SH3TC1: variants seen among roughly 807,000 people sequenced by gnomAD.
The protein encoded by SH3TC1 is SH3 domain and tetratricopeptide repeats 1, also known as SH3 domain and tetratricopeptide repeat-containing protein 1.
In SH3TC1, 135 loss-of-function variants were observed where a neutral mutation model predicts 117.3. The ratio of observed to expected loss-of-function variants is 1.15; its 90% confidence interval spans 1.00 to 1.33. SH3TC1 has a LOEUF of 1.33. Ranked by LOEUF, SH3TC1 falls within the 40% of genes most tolerant of loss-of-function variation. The pLI, the probability that SH3TC1 is intolerant of heterozygous loss-of-function variation, is 0.00. For synonymous variants in SH3TC1, 898 were observed against 816.9 expected (o/e 1.10, Z -1.69); for missense variants, 2,092 against 1,794.3 (o/e 1.17, Z -3.00).
intron 13 of SH3TC1, 196 bp downstream of exon 13, chr4:8,232,352 A>T: frequency 6.4e-7 from 1 of 1,571,914 alleles, no homozygotes; most frequent in Non-Finnish European, 8.6e-7. Context: ...TCCCAGCTTG[A>T]GCTTCCCTTG....
intron 13 of SH3TC1, chr4:8,233,041 A>C: frequency 8.2e-7 from 1 of 1,226,654 alleles, no homozygotes; most frequent in East Asian, 4.8e-5. Flanking sequence ...CGGCCTGGAT[A>C]GCATCTGAAC....
intron 4 of SH3TC1, among the ~76,000 whole-genome samples, chr4:8,213,612 C>T (rs549551028): frequency 1.3e-5 from 2 of 152,238 alleles, no homozygotes; most frequent in African/African-American, 4.8e-5. Flanking sequence ...GAAATGGGGC[C>T]TTCAGCGGGA....
Position 8,225,028 on chromosome 4 carries a change from G to A in SH3TC1, c.1244-147G>A, listed in dbSNP as rs978103194. 12 of 965,268 alleles carry A rather than the reference G, an allele frequency of 1.2e-5. No homozygotes were observed. The highest frequency in any genetic ancestry group is 8.7e-5 in the Admixed American group (4 of 46,064). 59.8% of individuals were successfully genotyped at this position (965,268 alleles called of 1,614,324 possible). On this transcript the variant is annotated intron_variant, in intron 10 of 17. Coordinates refer to ENST00000245105, the MANE Select transcript of SH3TC1 (RefSeq NM_018986.5). This position sits in a 1 kb window ranked among gnomAD's most constrained non-coding sequence, Gnocchi z 5.5. ...CCTGCACCCTGCAACACTCCAGCCCGCAACACCAGCACCCTGCAACATCTC... is the reference window on the plus strand; with the variant it reads ...CCTGCACCCTGCAACACTCCAGCCCACAACACCAGCACCCTGCAACATCTC...
At position 8,212,750 on chromosome 4, in the gene SH3TC1, C is replaced by T; in HGVS notation, c.297C>T (p.Asp99=). The part of the protein sequence containing the change: ...LAVRRKSRLR[D]PGLQQTLRGQ... ...TGCGGAGGAAGAGCAGACTGCGGGA[C>T]CCCGGCCTACAGCAGACCCTCCGGG... is the stretch of plus-strand genomic sequence containing the variant. Residue 99 remains aspartate (D), a synonymous_variant, in exon 4 of 18, where the codon GAC becomes GAT. Coordinates refer to ENST00000245105, the MANE Select transcript of SH3TC1 (RefSeq NM_018986.5). 1 of 1,612,796 alleles carries T rather than the reference C, an allele frequency of 6.2e-7. No individual in the cohort carries two copies. Among genetic ancestry groups the T allele is most frequent in the Non-Finnish European group, 8.5e-7 (1 of 1,179,892 alleles).
Position 8,185,332 on chromosome 4 carries a change from G to A in SH3TC1, c.-57+3122G>A, listed in dbSNP as rs371123735. Among the ~76,000 whole-genome samples the A allele has an allele frequency of 1.3e-4, 19 of 151,848 alleles. No homozygotes were observed. The South Asian group carries it at 3.5e-3, about 28-fold the overall frequency. Reference sequence around the variant, plus strand: ...GCCTGGGCAACAAGAGCGAAACTCCGTCTCAAAAAAAACAAAAAAAGCGCA... The same window carrying A: ...GCCTGGGCAACAAGAGCGAAACTCCATCTCAAAAAAAACAAAAAAAGCGCA... On this transcript the variant is annotated intron_variant, in intron 1 of 16. Transcript: ENST00000508641.
chr4:8,233,983 CA>C (rs1721519581), intron 14 of SH3TC1, among the ~76,000 whole-genome samples: 1 of 74,648 alleles, frequency 1.3e-5, no homozygotes, highest in Non-Finnish European at 3.9e-5. Context: ...TCCATCCATC[CA>C]TCCATCATCC....
At position 8,205,446 on chromosome 4, in the gene SH3TC1, A is replaced by T. The variant is rs1189812024; in HGVS notation, c.172+80A>T. ...CACCCGCCCCGTCCATCCATCCCTC[A>T]CCACCCTGCCTGCCTCCAGGCCTCT... On this transcript the variant is annotated intron_variant, in intron 2 of 17. Coordinates refer to ENST00000245105, the MANE Select transcript of SH3TC1 (RefSeq NM_018986.5). This position sits in a 1 kb window ranked among gnomAD's most constrained non-coding sequence, Gnocchi z 5.4. 5 of 1,368,480 alleles carry T rather than the reference A, an allele frequency of 3.7e-6. No homozygotes were observed. In the African/African-American group the frequency reaches 9.9e-5, roughly 27 times the overall value. The allele number at this position is 1,368,480 out of a possible 1,614,324, so 84.8% of individuals were successfully genotyped here. A position where few individuals can be genotyped will look rare whatever the true frequency, so the allele number is the denominator to read the frequency against.
At chr4:8,198,024 A>G (rs73077982), upstream of SH3TC1, among the ~76,000 whole-genome samples, 17,887 of 152,118 alleles carry the variant, frequency 0.12, 1,233 homozygotes, top group African/African-American at 0.13. Flanking sequence ...TTTGGCTGCT[A>G]TGATTAGAGG....
chr4:8,227,937 T>C lies in SH3TC1; in HGVS notation c.2243T>C (p.Val748Ala). Residue 748 changes from valine (V) to alanine (A), a missense_variant, in exon 12 of 18, where the codon GTG becomes GCG. Transcript: ENST00000245105. ...TCGCTGGCCGGCTCGCTGAGGAGTG[T>C]GAACCTGGTGCTCCAGAACGCCCCC... ...RGSLAGSLRS[V>A]NLVLQNAPQP... The C allele has an allele frequency of 6.2e-7, 1 of 1,612,548 alleles. No individual in the cohort carries two copies. Among genetic ancestry groups the C allele is most frequent in the Non-Finnish European group, 8.5e-7 (1 of 1,179,936 alleles).
rs1391348730 is a variant in SH3TC1 at position 8,216,248 on chromosome 4, A to T, written c.619A>T (p.Ile207Phe). ...AAGGCTGACCCACGAGAGCCTCCTC[A>T]TCCAAGAAGGTGAGCGTTGCATGGG... ...ALRLTHESLL[I>F]QEGPFFVLCP... The change falls in exon 6 of 18, where the codon ATC becomes TTC. Residue 207 changes from isoleucine (I) to phenylalanine (F), a missense_variant. Transcript: ENST00000245105. 1.2e-6 allele frequency: 2 copies of T among 1,613,416 alleles called. No homozygotes were observed. The highest frequency in any genetic ancestry group is 2.2e-5 in the East Asian group (1 of 44,878).
At chr4:8,196,994 G>A (rs535732795), upstream of SH3TC1, among the ~76,000 whole-genome samples, 8 of 152,290 alleles carry the variant, frequency 5.3e-5, no homozygotes, top group South Asian at 1.7e-3. This position sits in a 1 kb window ranked among gnomAD's most constrained non-coding sequence, Gnocchi z 4.6. Flanking sequence ...GGACCACCCT[G>A]AACCTGTGAA....
rs1718526815 is a variant in SH3TC1 at position 8,210,068 on chromosome 4, G to A, written c.247+246G>A. 6.6e-6 allele frequency among the ~76,000 whole-genome samples: 1 copy of A among 152,202 alleles called. No homozygotes were observed. Among genetic ancestry groups the A allele is most frequent in the African/African-American group, 2.4e-5 (1 of 41,460 alleles). On this transcript the variant is annotated intron_variant, in intron 3 of 17. Transcript: ENST00000245105. The surrounding 1 kb of genome is among the most constrained non-coding windows in gnomAD (Gnocchi z 4.1). ...GTGCACCTGCACAAACGGCAGACAC[G>A]GTCCTGGGGGCTCCGTGGGTGACAC...
intron 9 of SH3TC1, among the ~76,000 whole-genome samples, chr4:8,221,289 A>G (rs773219033): frequency 2.0e-5 from 3 of 152,122 alleles, no homozygotes; most frequent in Non-Finnish European, 4.4e-5. Flanking sequence ...CCTTCCTTTA[A>G]CCCAGAAGGA....
In SH3TC1 at chr4:8,225,254, G is replaced by T. The variant is rs1720353333; in HGVS notation, c.1285+38G>T. Reference sequence around the variant, plus strand: ...AGTGGCTCAGGCTTCCTCTGGTTATGAGCTGGGCCTTGGGGTAACGCTGGG... The same window carrying T: ...AGTGGCTCAGGCTTCCTCTGGTTATTAGCTGGGCCTTGGGGTAACGCTGGG... On this transcript the variant is annotated intron_variant, in intron 11 of 17. Coordinates refer to ENST00000245105, the MANE Select transcript of SH3TC1 (RefSeq NM_018986.5). This position sits in a 1 kb window ranked among gnomAD's most constrained non-coding sequence, Gnocchi z 5.5. 6.2e-7 allele frequency: 1 copy of T among 1,603,996 alleles called. No individual in the cohort carries two copies. The highest frequency in any genetic ancestry group is 1.7e-5 in the Admixed American group (1 of 58,258).
rs748578841 is a variant in SH3TC1, at chr4:8,218,281, A to C, written c.850A>C (p.Arg284=). The C allele has an allele frequency of 6.2e-7, 1 of 1,610,468 alleles. No individual in the cohort carries two copies. The highest frequency in any genetic ancestry group is 1.1e-5 in the South Asian group (1 of 90,750). Residue 284 remains arginine (R), a synonymous_variant, in exon 8 of 18, where the codon AGG becomes CGG. Transcript: ENST00000245105. ...CTCTTCCGGCTCCAGGTGGGCTCTT[A>C]GGATCCCCCAGGACCCCATCGACGA... ...PLIPFHQWAL[R]IPQDPIDDAM...
chr4:8,221,211 G>A (rs997221795), intron 9 of SH3TC1, among the ~76,000 whole-genome samples: 6 of 152,230 alleles, frequency 3.9e-5, no homozygotes, highest in South Asian at 2.1e-4. Flanking sequence ...ACTGGGGGCC[G>A]TGTGAAGTCA....
chr4:8,229,868 T>A (rs1720989695), intron 12 of SH3TC1, among the ~76,000 whole-genome samples: 1 of 152,098 alleles, frequency 6.6e-6, no homozygotes, highest in African/African-American at 2.4e-5. Context: ...TGCTGGGGGA[T>A]TCAGACTTGG....
chr4:8,218,428 C>A, intron 8 of SH3TC1, 81 bp downstream of exon 8: 1 of 1,020,126 alleles, frequency 9.8e-7, no homozygotes, highest in Non-Finnish European at 1.5e-6. Flanking sequence ...AGTTGCCCTA[C>A]ATCCTCCCTG....
intron 14 of SH3TC1, among the ~76,000 whole-genome samples, chr4:8,233,727 CCATTCACCTGTT>C (rs1237501982): frequency 1.3e-5 from 2 of 148,588 alleles, no homozygotes; most frequent in Non-Finnish European, 3.0e-5. Context: ...CATTATCCAT[CCATTCACCTGTT>C]CATCCATCCA....
Sources: gnomAD v4.1 joint callset for allele counts (sites outside exome capture counted in the v4.1 genomes callset) on GRCh38, gnomAD v4.1.1 for gene constraint, Gnocchi (gnomAD v3.1) non-coding constraint, MANE v1.5 for transcripts, NCBI Gene and HGNC (gene_info 2026-07-23, HGNC 2026-07-21) for gene names.